The following SUGP2 variants were observed in gnomAD, a reference collection of about 807,000 sequenced individuals.
The protein encoded by SUGP2 is SURP and G-patch domain-containing protein 2.
Under a neutral mutation model 90.5 loss-of-function variants are expected in SUGP2, and 24 were observed. The ratio of observed to expected loss-of-function variants is 0.27; its 90% CI spans 0.19 to 0.37. The LOEUF is 0.37. Among genes scored for constraint, SUGP2 ranks in the 10% least tolerant of loss-of-function variants. The pLI is 1.00. For missense variants in SUGP2, 1,233 were observed against 1,363.3 expected (o/e 0.90, Z 1.51); for synonymous variants, 473 against 513.4 (o/e 0.92, Z 1.06).
At chr19:19,001,497 A>T in intron 8 of SUGP2, 116 bp downstream of exon 8, 1 of 1,071,350 alleles carries the variant, frequency 9.3e-7, no homozygotes, top group Non-Finnish European at 1.4e-6. Context: ...TTTACACATT[A>T]ATACCTCAGT....
chr19:18,996,134 T>G (rs1043584323), intron 8 of SUGP2, among the ~76,000 whole-genome samples: 1 of 152,140 alleles, frequency 6.6e-6, no homozygotes, highest in African/African-American at 2.4e-5. Flanking sequence ...TGGTGGCTCA[T>G]GCCTGTAATC....
intron 3 of SUGP2, among the ~76,000 whole-genome samples, 189 bp from the exon 4 acceptor site, chr19:19,019,418 G>C (rs1221406321): frequency 6.6e-6 from 1 of 152,176 alleles, no homozygotes; most frequent in Non-Finnish European, 1.5e-5. Flanking sequence ...CCTAAAAAAT[G>C]TAACAGTATA....
chr19:19,000,371 C>CCCCAGG (rs997970919), intron 8 of SUGP2, among the ~76,000 whole-genome samples: 5 of 152,174 alleles, frequency 3.3e-5, no homozygotes, highest in African/African-American at 1.2e-4. Context: ...TCTCTTTGCC[C>CCCCAGG]ACAGCATCCC....
intron 10 of SUGP2, 95 bp downstream of exon 10, chr19:18,994,271 G>A: frequency 6.7e-7 from 1 of 1,501,648 alleles, no homozygotes; most frequent in South Asian, 1.3e-5. Flanking sequence ...CATTTTTGGG[G>A]GAGCAGGGAA....
chr19:19,010,265 T>C lies in SUGP2; in HGVS notation c.1928A>G (p.Asn643Ser), dbSNP rs776530550. The C allele has an allele frequency of 6.2e-7, 1 of 1,614,074 alleles. No homozygotes were observed. The highest frequency in any genetic ancestry group is 1.7e-5 in the Admixed American group (1 of 60,022). ...KLAEMQRMSENLRGADQKPTS... is the reference protein window; with the variant it reads ...KLAEMQRMSESLRGADQKPTS... ...CGGCTTCTGGTCGGCTCCTCGCAAG[T>C]TCTCGCTCATCCGCTGCATTTCTGC... The change falls in exon 5 of 11, where the codon AAC becomes AGC. Residue 643 changes from asparagine to serine, a missense_variant. By Grantham distance (46) the Asn-to-Ser change is conservative. This residue lies in a region of SUGP2 where 540 missense variants were observed against 542.6 expected (regional missense o/e 1.00). Coordinates refer to ENST00000452918, the MANE Select transcript of SUGP2 (RefSeq NM_001017392.5).
chr19:19,018,982 C>T, intron 4 of SUGP2, 127 bp downstream of exon 4: 3 of 1,098,854 alleles, frequency 2.7e-6, no homozygotes, highest in Non-Finnish European at 3.9e-6. Flanking sequence ...CACCCTCATG[C>T]TCTTCTCACT....
At chr19:19,028,500 G>A (rs1818849625) in intron 2 of SUGP2, among the ~76,000 whole-genome samples, 1 of 152,146 alleles carries the variant, frequency 6.6e-6, no homozygotes, top group South Asian at 2.1e-4. Flanking sequence ...GATTAGGGAG[G>A]GAACATTAGT....
chr19:19,000,049 G>C (rs2057769795), intron 8 of SUGP2, among the ~76,000 whole-genome samples: 1 of 152,148 alleles, frequency 6.6e-6, no homozygotes, highest in African/African-American at 2.4e-5. Context: ...CCCGCCCACA[G>C]GCTGCTCTCC....
chr19:19,024,644 G>A lies in SUGP2; in HGVS notation c.1704C>T (p.Ala568=), dbSNP rs891597311. ...MIPPTKPEIQ[A]KAPSSLSDAV... is the part of the protein sequence containing the mutation. The stretch of plus-strand genomic sequence containing the variant: ...CATCACTCAGACTACTTGGAGCCTT[G>A]GCCTGAATTTCAGGTTTCGTAGGAG... Residue 568 remains alanine, a synonymous_variant, in exon 3 of 11, where the codon GCC becomes GCT. Coordinates refer to ENST00000452918, the MANE Select transcript of SUGP2 (RefSeq NM_001017392.5). The A allele has an allele frequency of 9.9e-6, 16 of 1,614,068 alleles. No individual in the cohort carries two copies. Among genetic ancestry groups the A allele is most frequent in the Non-Finnish European group, 1.1e-5 (13 of 1,179,986 alleles).
Position 19,030,975 on chromosome 19 carries a change from C to G in SUGP2, c.97G>C (p.Glu33Gln). 2 of 1,611,820 alleles carry G rather than the reference C, an allele frequency of 1.2e-6. No homozygotes were observed. The highest frequency in any genetic ancestry group is 1.7e-6 in the Non-Finnish European group (2 of 1,179,516). Reference sequence around the variant, plus strand: ...CCTTGAGCTTTAAACTGAAGAGTTTCGCTTACAGCCTCACCACTGGCATCC... The same window carrying G: ...CCTTGAGCTTTAAACTGAAGAGTTTGGCTTACAGCCTCACCACTGGCATCC... ...HMDASGEAVS[E>Q]TLQFKAQDLL... Residue 33 changes from glutamate (E) to glutamine (Q), a missense_variant, in exon 2 of 11, where the codon GAA (glutamate) becomes CAA (glutamine). Physicochemically the swap from Glu to Gln is conservative, Grantham distance 29. Around this residue, in one of 8 missense-constraint regions of SUGP2, gnomAD observed 418 missense variants for 399.9 expected, o/e 1.05. Transcript: ENST00000452918.
chr19:19,018,782 C>G (rs1470901097), intron 4 of SUGP2, among the ~76,000 whole-genome samples: 1 of 150,604 alleles, frequency 6.6e-6, no homozygotes, highest in East Asian at 2.0e-4. Flanking sequence ...TTGCAAACAA[C>G]TGCAATGATG....
intron 10 of SUGP2, 78 bp from the exon 11 acceptor site, chr19:18,993,818 A>C (rs2057459881): frequency 6.6e-6 from 1 of 152,272 alleles, no homozygotes; most frequent in Non-Finnish European, 1.5e-5. Flanking sequence ...AAAAAAGAAT[A>C]GAAAGATGAG....
chr19:18,994,246 T>G (rs2057479859), intron 10 of SUGP2, 120 bp downstream of exon 10: 1 of 1,381,736 alleles, frequency 7.2e-7, no homozygotes, highest in African/African-American at 1.4e-5. Context: ...ATTTTGTGAT[T>G]TTTTTTGTGT....
chr19:19,004,035 T>G, intron 7 of SUGP2, 133 bp downstream of exon 7: 1 of 692,158 alleles, frequency 1.4e-6, no homozygotes, highest in South Asian at 2.0e-5. Flanking sequence ...GAAACATGAG[T>G]GTCGGCTCAC....
At chr19:19,024,412 C>T (rs2058844235) in intron 3 of SUGP2, among the ~76,000 whole-genome samples, 1 of 152,200 alleles carries the variant, frequency 6.6e-6, no homozygotes, top group Non-Finnish European at 1.5e-5. Context: ...ACCCGGCTGT[C>T]TAAAGACTTC....
Position 18,994,463 on chromosome 19 carries a change from C to T in SUGP2, c.3152G>A (p.Gly1051Glu). 1 of 1,614,196 alleles carries T rather than the reference C, an allele frequency of 6.2e-7. No homozygotes were observed. Among genetic ancestry groups the T allele is most frequent in the Non-Finnish European group, 8.5e-7 (1 of 1,180,018 alleles). ...VSVGTPSEGE[G>E]LGADGQEHKE... is the part of the protein sequence containing the mutation. ...GTGCTCCTGCCCGTCAGCACCCAAC[C>T]CTTCCCCTTCCGAGGGGGTTCCCCT... The change falls in exon 10 of 11, where the codon GGG (glycine) becomes GAG (glutamate). Residue 1051 changes from glycine to glutamate, a missense_variant. Physicochemically the swap from Gly to Glu is moderately conservative, Grantham distance 98. This residue lies in a region of SUGP2 where 53 missense variants were observed against 55.3 expected (regional missense o/e 0.96). Transcript: ENST00000452918.
chr19:19,000,235 T>C (rs751567035), intron 8 of SUGP2, among the ~76,000 whole-genome samples: 2 of 152,366 alleles, frequency 1.3e-5, no homozygotes, highest in East Asian at 1.9e-4. Flanking sequence ...CTCAGATCTC[T>C]ACACTGTTTC....
At position 19,009,722 on chromosome 19, in the gene SUGP2, G is replaced by T. The variant is rs2058229211; in HGVS notation, c.2338+133C>A. 3.4e-6 allele frequency: 4 copies of T among 1,188,820 alleles called. No individual in the cohort carries two copies. In the East Asian group the frequency reaches 9.5e-5, roughly 28 times the overall value. The allele number at this position is 1,188,820 out of a possible 1,614,324, so 73.6% of individuals were successfully genotyped here. ...AGAGAAAGCGCCAACATGTACACTTGTCCTGGCCAGGTCCCTAGAGCTTTT... is the reference window on the plus strand; with the variant it reads ...AGAGAAAGCGCCAACATGTACACTTTTCCTGGCCAGGTCCCTAGAGCTTTT... On this transcript the variant is annotated intron_variant, in intron 5 of 10. Transcript: ENST00000452918.
Position 19,024,738 on chromosome 19 carries a change from C to T in SUGP2, c.1610G>A (p.Ser537Asn), listed in dbSNP as rs891256811. ...CTTAACCTGGAGGGGACATCCGCTG[C>T]TGACTAGCCAGGCCTTCAGGTGGTC... Reference protein sequence around the residue: ...YIDHLKAWLVSSGCPLQVKKA... With the variant: ...YIDHLKAWLVNSGCPLQVKKA... Residue 537 changes from serine to asparagine, a missense_variant, in exon 3 of 11, where the codon AGC (serine) becomes AAC (asparagine). Coordinates refer to ENST00000452918, the MANE Select transcript of SUGP2 (RefSeq NM_001017392.5). 3 of 1,614,090 alleles carry T rather than the reference C, an allele frequency of 1.9e-6. No individual in the cohort carries two copies. In the Admixed American group the frequency reaches 5.0e-5, roughly 27 times the overall value.
Sources: allele counts gnomAD v4.1 joint callset (sites outside exome capture counted in the v4.1 genomes callset), GRCh38; gene constraint gnomAD v4.1.1; regional missense constraint gnomAD v4.1.1; transcripts MANE v1.5; gene names NCBI Gene and HGNC (gene_info 2026-07-23, HGNC 2026-07-21).